Variants in PLPPR5 observed in about 807,000 individuals in gnomAD.
The protein encoded by PLPPR5 is phospholipid phosphatase-related protein type 5.
In PLPPR5, 16 loss-of-function variants were observed where a neutral mutation model predicts 33.9. That is an observed-to-expected ratio of 0.47 (90% confidence interval 0.32 to 0.72). The LOEUF is 0.72. PLPPR5 is among the 30% of genes least tolerant of loss of function. The pLI is 0.03. For synonymous variants in PLPPR5, 163 were observed against 150.3 expected (o/e 1.08, Z -0.62); for missense variants, 301 against 406.7 (o/e 0.74, Z 2.23).
intron 3 of PLPPR5, among the ~76,000 whole-genome samples, chr1:98,940,538 G>A (rs1055519098): frequency 3.3e-5 from 5 of 151,930 alleles, no homozygotes; most frequent in African/African-American, 1.2e-4. Flanking sequence ...ACGTAGGAGT[G>A]TAACGCTTGA....
chr1:98,953,482 C>T (rs1255180721), intron 2 of PLPPR5, among the ~76,000 whole-genome samples, 162 bp from the exon 3 acceptor site: 4 of 149,294 alleles, frequency 2.7e-5, no homozygotes, highest in African/African-American at 4.9e-5. Context: ...TTATTTCATC[C>T]CTCTCCAGTT....
chr1:98,913,242 G>A (rs1557666632), intron 5 of PLPPR5, among the ~76,000 whole-genome samples: 1 of 152,136 alleles, frequency 6.6e-6, no homozygotes, highest in Non-Finnish European at 1.5e-5. Flanking sequence ...AATCCATGAT[G>A]TTGAGTACAT....
At chr1:99,005,318 T>A (rs1010931702), upstream of PLPPR5, among the ~76,000 whole-genome samples, 1 of 152,244 alleles carries the variant, frequency 6.6e-6, no homozygotes, top group Admixed American at 6.5e-5. Flanking sequence ...AAAGTGCCGA[T>A]GCGGCGCCCA....
chr1:98,915,410 C>G (rs1043232824), intron 4 of PLPPR5, among the ~76,000 whole-genome samples: 1 of 152,086 alleles, frequency 6.6e-6, no homozygotes, highest in African/African-American at 2.4e-5. Flanking sequence ...CCTAGCTTAT[C>G]GTCTATTATT....
chr1:98,975,995 GA>G (rs1651835375), intron 1 of PLPPR5, among the ~76,000 whole-genome samples: 1 of 150,284 alleles, frequency 6.7e-6, no homozygotes, highest in Non-Finnish European at 1.5e-5. Context: ...ATGTTAAATG[GA>G]CTGTGATAGA....
At chr1:98,965,213 G>C (rs1474212420) in intron 1 of PLPPR5, among the ~76,000 whole-genome samples, 1 of 152,066 alleles carries the variant, frequency 6.6e-6, no homozygotes, top group Non-Finnish European at 1.5e-5. Flanking sequence ...ACCTCATTGG[G>C]AGGAAGAGAT....
chr1:98,969,171 T>C (rs563487798), intron 1 of PLPPR5, among the ~76,000 whole-genome samples: 18 of 151,364 alleles, frequency 1.2e-4, no homozygotes, highest in Admixed American at 2.6e-4. Flanking sequence ...TCAGAAACAC[T>C]ACAGGGAACA....
chr1:98,905,519 A>G (rs1198506741), intron 5 of PLPPR5, among the ~76,000 whole-genome samples: 1 of 152,196 alleles, frequency 6.6e-6, no homozygotes, highest in Non-Finnish European at 1.5e-5. Context: ...AGCAGTGATA[A>G]TGAGTCCCAC....
intron 1 of PLPPR5, among the ~76,000 whole-genome samples, chr1:99,004,038 C>T (rs1342483773): frequency 6.6e-6 from 1 of 152,206 alleles, no homozygotes; most frequent in Non-Finnish European, 1.5e-5. Flanking sequence ...CCGCCCGCCG[C>T]TGCTCTTCTT....
chr1:98,913,366 C>T (rs1649226470), intron 5 of PLPPR5, among the ~76,000 whole-genome samples: 1 of 152,152 alleles, frequency 6.6e-6, no homozygotes, highest in African/African-American at 2.4e-5. Context: ...CAGAGTTGGT[C>T]TGACCAGAGC....
chr1:98,946,231 C>A (rs77920354), intron 3 of PLPPR5, among the ~76,000 whole-genome samples: 1 of 152,130 alleles, frequency 6.6e-6, no homozygotes, highest in Admixed American at 6.5e-5. Flanking sequence ...TCTACCAGAC[C>A]ATTTTTAAGC....
chr1:98,897,244 C>T, intron 5 of PLPPR5, among the ~76,000 whole-genome samples: 1 of 152,008 alleles, frequency 6.6e-6, no homozygotes, highest in South Asian at 2.1e-4. Context: ...TGCGCTCCAG[C>T]GCACATACGT....
intron 5 of PLPPR5, among the ~76,000 whole-genome samples, chr1:98,912,718 A>G (rs9651141): frequency 0.71 from 108,032 of 151,418 alleles, 39,010 homozygotes; most frequent in East Asian, 0.8. Context: ...GGAATACTAA[A>G]TATTAGCAGT....
intron 1 of PLPPR5, among the ~76,000 whole-genome samples, chr1:98,975,058 C>T (rs1651797601): frequency 6.6e-6 from 1 of 152,036 alleles, no homozygotes; most frequent in South Asian, 2.1e-4. Flanking sequence ...CACTGCTCCC[C>T]ACAAGACCTC....
rs564498847 is a variant in PLPPR5, at chr1:98,995,880, G to T, written c.237+8555C>A. ...AACATCATCACCATGAACTTCAGTTGGTGTCTGGATACCTTATCTAGTAAA... is the reference window on the plus strand; with the variant it reads ...AACATCATCACCATGAACTTCAGTTTGTGTCTGGATACCTTATCTAGTAAA... On this transcript the variant is annotated intron_variant, in intron 1 of 5. Transcript: ENST00000263177. Among the ~76,000 whole-genome samples, 4 of 152,066 alleles carry T rather than the reference G, an allele frequency of 2.6e-5. No homozygotes were observed. The East Asian group carries it at 7.7e-4, about 29-fold the overall frequency.
At chr1:98,930,747 G>A (rs909807467) in intron 3 of PLPPR5, among the ~76,000 whole-genome samples, 4 of 152,078 alleles carry the variant, frequency 2.6e-5, no homozygotes, top group Admixed American at 6.5e-5. Flanking sequence ...TAAGTAAAGG[G>A]CAGGGGAGAA....
At chr1:98,984,529 T>C (rs1652185938) in intron 1 of PLPPR5, among the ~76,000 whole-genome samples, 1 of 152,054 alleles carries the variant, frequency 6.6e-6, no homozygotes, top group Non-Finnish European at 1.5e-5. Flanking sequence ...CTTTACAGAG[T>C]GCATCTAAAA....
intron 4 of PLPPR5, among the ~76,000 whole-genome samples, chr1:98,917,872 C>T (rs1203727419): frequency 6.6e-6 from 1 of 152,214 alleles, no homozygotes; most frequent in Admixed American, 6.5e-5. Context: ...GCTGTGTTCA[C>T]ACTGTCACAG....
chr1:98,992,063 T>C (rs977786305), intron 1 of PLPPR5, among the ~76,000 whole-genome samples: 2 of 152,174 alleles, frequency 1.3e-5, no homozygotes, highest in African/African-American at 4.8e-5. Context: ...CAGGAGTTTA[T>C]AGAAAAGATG....
Sources: gnomAD v4.1 joint callset for allele counts (sites outside exome capture counted in the v4.1 genomes callset) on GRCh38, gnomAD v4.1.1 for gene constraint, MANE v1.5 for transcripts, NCBI Gene and HGNC (gene_info 2026-07-23, HGNC 2026-07-21) for gene names.